SLC44A5: variants seen among roughly 807,000 people sequenced by gnomAD.
The protein encoded by SLC44A5 is choline transporter-like protein 5.
SLC44A5 carries 57 observed loss-of-function variants against 101.8 expected under a neutral mutation model. The ratio of observed to expected loss-of-function variants is 0.56; its 90% CI spans 0.45 to 0.70. The LOEUF is 0.70. SLC44A5 is among the 30% of genes least tolerant of loss of function. SLC44A5 has a pLI of 0.00. For synonymous variants in SLC44A5, 281 were observed against 290.9 expected (o/e 0.97, Z 0.35); for missense variants, 737 against 853.1 (o/e 0.86, Z 1.70).
intron 2 of SLC44A5, among the ~76,000 whole-genome samples, chr1:75,476,276 A>G (rs1207560120): frequency 2.6e-5 from 4 of 152,182 alleles, no homozygotes; most frequent in Non-Finnish European, 5.9e-5. Flanking sequence ...AGCAGCCAAG[A>G]TGGTAGCATA....
chr1:75,550,806 A>T (rs915317526), intron 1 of SLC44A5, among the ~76,000 whole-genome samples: 2 of 152,098 alleles, frequency 1.3e-5, no homozygotes, highest in African/African-American at 4.8e-5. Flanking sequence ...TGAAAGAAGA[A>T]CATGTTTCAA....
At chr1:75,711,640 C>G in the SLC44A5 span, among the ~76,000 whole-genome samples, 2 of 152,204 alleles carry the variant, frequency 1.3e-5, no homozygotes, top group Non-Finnish European at 2.9e-5. Context: ...CAGATGCTAT[C>G]TTATGTGCAG....
chr1:75,245,976 A>T (rs1276500279), intron 7 of SLC44A5, among the ~76,000 whole-genome samples: 1 of 152,138 alleles, frequency 6.6e-6, no homozygotes, highest in Admixed American at 6.6e-5. Flanking sequence ...GTTAACAAAA[A>T]CATCGTGCAT....
intron 6 of SLC44A5, among the ~76,000 whole-genome samples, chr1:75,260,140 CT>C (rs1251999932): frequency 6.6e-6 from 1 of 152,120 alleles, no homozygotes; most frequent in Non-Finnish European, 1.5e-5. Context: ...AAATAACCAG[CT>C]GGCATCATAA....
At chr1:75,512,169 G>A (rs1461897112) in intron 2 of SLC44A5, among the ~76,000 whole-genome samples, 2 of 151,986 alleles carry the variant, frequency 1.3e-5, no homozygotes, top group Non-Finnish European at 2.9e-5. Context: ...CTACTTTAAG[G>A]AATTATTTTA....
chr1:75,420,685 T>C (rs1663948818), intron 2 of SLC44A5, among the ~76,000 whole-genome samples: 1 of 152,114 alleles, frequency 6.6e-6, no homozygotes, highest in South Asian at 2.1e-4. Flanking sequence ...TGTAAAGTTT[T>C]CTTCACTCAA....
At chr1:75,570,578 T>C (rs975607301) in intron 1 of SLC44A5, among the ~76,000 whole-genome samples, 7 of 152,314 alleles carry the variant, frequency 4.6e-5, no homozygotes, top group African/African-American at 1.7e-4. Flanking sequence ...CCAACACCTA[T>C]TTTTGCAGTT....
intron 2 of SLC44A5, among the ~76,000 whole-genome samples, chr1:75,505,843 CTATT>C (rs1354113803): frequency 6.6e-6 from 1 of 152,058 alleles, no homozygotes; most frequent in Non-Finnish European, 1.5e-5. Context: ...TGTGCAAAAT[CTATT>C]TAGTTTAGCT....
intron 10 of SLC44A5, among the ~76,000 whole-genome samples, chr1:75,237,989 C>T (rs908458314): frequency 1.3e-5 from 2 of 151,866 alleles, no homozygotes; most frequent in Non-Finnish European, 2.9e-5. Context: ...TAACATGGAG[C>T]ACCATGTGTG....
At chr1:75,263,673 A>G (rs1650731069) in intron 6 of SLC44A5, among the ~76,000 whole-genome samples, 2 of 152,190 alleles carry the variant, frequency 1.3e-5, no homozygotes, top group South Asian at 2.1e-4. Context: ...ATAAAGACAC[A>G]TACACACGTA....
chr1:75,460,477 C>T (rs911368984), intron 2 of SLC44A5, among the ~76,000 whole-genome samples: 6 of 152,086 alleles, frequency 3.9e-5, no homozygotes, highest in East Asian at 1.9e-4. Flanking sequence ...CTCCCAAAAA[C>T]GTTTTATGAA....
intron 2 of SLC44A5, among the ~76,000 whole-genome samples, chr1:75,419,368 G>A (rs1027160529): frequency 6.6e-6 from 1 of 150,850 alleles, no homozygotes; most frequent in Non-Finnish European, 1.5e-5. Flanking sequence ...AGTAGCCAGA[G>A]AAAGACATAT....
chr1:75,317,330 C>T (rs1156717487), intron 4 of SLC44A5, among the ~76,000 whole-genome samples: 3 of 152,186 alleles, frequency 2.0e-5, no homozygotes, highest in Non-Finnish European at 4.4e-5. Flanking sequence ...AGTTTCCCCA[C>T]ACATGAGTGA....
chr1:75,695,083 A>G, the SLC44A5 span, among the ~76,000 whole-genome samples: 1 of 152,208 alleles, frequency 6.6e-6, no homozygotes, highest in Non-Finnish European at 1.5e-5. Context: ...TGATTAGACT[A>G]CTAACTTTTT....
intron 5 of SLC44A5, among the ~76,000 whole-genome samples, chr1:75,282,738 C>T (rs2100786492): frequency 2.6e-5 from 4 of 152,242 alleles, no homozygotes; most frequent in Middle Eastern, 6.8e-3. Flanking sequence ...GCTTTTCCCC[C>T]TTTGCTCTGC....
At chr1:75,266,241 G>T (rs114786645) in intron 6 of SLC44A5, among the ~76,000 whole-genome samples, 1,818 of 151,666 alleles carry the variant, frequency 0.012, 52 homozygotes, top group African/African-American at 0.042. Context: ...AAGTCTAACA[G>T]GTAAGTTTCC....
chr1:75,450,281 G>T (rs1478316268), intron 2 of SLC44A5, among the ~76,000 whole-genome samples: 1 of 152,170 alleles, frequency 6.6e-6, no homozygotes, highest in Admixed American at 6.5e-5. Context: ...CCAAGCCCTG[G>T]AGCTAAGTTG....
At chr1:75,678,729 C>T in the SLC44A5 span, among the ~76,000 whole-genome samples, 6 of 151,962 alleles carry the variant, frequency 3.9e-5, no homozygotes, top group East Asian at 5.8e-4. Flanking sequence ...AGGAACGCAG[C>T]TCCTCACCAG....
chr1:75,209,243 C>T (rs1646806680), intron 23 of SLC44A5, among the ~76,000 whole-genome samples: 1 of 152,142 alleles, frequency 6.6e-6, no homozygotes, highest in South Asian at 2.1e-4. Context: ...ACTTAAAATC[C>T]ACATATTAGC....
Sources: gnomAD v4.1 joint callset for allele counts (sites outside exome capture counted in the v4.1 genomes callset) on GRCh38, gnomAD v4.1.1 for gene constraint, MANE v1.5 for transcripts, NCBI Gene and HGNC (gene_info 2026-07-23, HGNC 2026-07-21) for gene names.